Variants in L2HGDH observed in about 807,000 individuals in gnomAD.
The protein encoded by L2HGDH is L-2-hydroxyglutarate dehydrogenase, mitochondrial.
In L2HGDH, 34 loss-of-function variants were observed where a neutral mutation model predicts 51.5. The observed-to-expected ratio is 0.66, with a 90% CI of 0.50 to 0.88. L2HGDH has a LOEUF of 0.88. Among genes scored for constraint, L2HGDH ranks in the 40% least tolerant of loss-of-function variants. The pLI is 0.00. For missense variants in L2HGDH, 558 were observed against 571.9 expected (o/e 0.98, Z 0.25); for synonymous variants, 198 against 197.9 (o/e 1.00, Z -0.01).
At position 50,290,812 on chromosome 14, in the gene L2HGDH, C is replaced by T. The variant is rs376837796; in HGVS notation, c.540+3303G>A. ...CCAAGTGGCTGGGACTACAGGCACACGCCACCACGCCTGGCTGAATTTCAT... is the reference window on the plus strand; with the variant it reads ...CCAAGTGGCTGGGACTACAGGCACATGCCACCACGCCTGGCTGAATTTCAT... On this transcript the variant is annotated intron_variant, in intron 4 of 9. Transcript: ENST00000267436. 7.2e-5 allele frequency among the ~76,000 whole-genome samples: 11 copies of T among 152,110 alleles called. No individual in the cohort carries two copies. The East Asian group carries it at 7.7e-4, about 11-fold the overall frequency.
chr14:50,302,998 C>T lies in L2HGDH; in HGVS notation c.160G>A (p.Val54Ile), dbSNP rs767231867. ...ASTSSFDIVI[V>I]GGGIVGLASA... ...GCAAGCCCCACAATTCCGCCACCAA[C>T]GATGACTATATCAAATGAGCTTCAA... The change falls in exon 2 of 10, where the codon GTT becomes ATT. Residue 54 changes from valine (V) to isoleucine (I), a missense_variant. Around this residue, in one of 3 missense-constraint regions of L2HGDH, gnomAD observed 194 missense variants for 187.2 expected, o/e 1.04. Coordinates refer to ENST00000267436, the MANE Select transcript of L2HGDH (RefSeq NM_024884.3). The T allele has an allele frequency of 1.9e-5, 31 of 1,611,678 alleles. No individual in the cohort carries two copies. The highest frequency in any genetic ancestry group is 1.6e-4 in the Middle Eastern group (1 of 6,084).
intron 9 of L2HGDH, among the ~76,000 whole-genome samples, chr14:50,258,799 C>T (rs774759584): frequency 5.9e-5 from 9 of 151,906 alleles, no homozygotes; most frequent in Non-Finnish European, 1.2e-4. Flanking sequence ...AGGCGTGAGC[C>T]CATGGTGCCT....
chr14:50,293,243 A>G (rs931371953), intron 4 of L2HGDH: 1 of 702,374 alleles, frequency 1.4e-6, no homozygotes, highest in East Asian at 2.7e-5. Context: ...CAGTGGGAAA[A>G]TAATGGTTTT....
At position 50,245,105 on chromosome 14, in the gene L2HGDH, C is replaced by A; in HGVS notation, c.*1953G>T. The A allele has an allele frequency of 2.0e-6, 2 of 985,656 alleles. No individual in the cohort carries two copies. Among genetic ancestry groups the A allele is most frequent in the Non-Finnish European group, 2.4e-6 (2 of 829,890 alleles). The allele number at this position is 985,656 out of a possible 1,614,324, so 61.1% of individuals were successfully genotyped here. A position where few individuals can be genotyped will look rare whatever the true frequency, so the allele number is the denominator to read the frequency against. The stretch of plus-strand genomic sequence containing the variant: ...TCATGAGGTGAATGTAAGGCACTTT[C>A]GCGGTTTACAAAAGTGAATGCCTCA... On this transcript the variant is annotated 3_prime_UTR_variant, in exon 10 of 10. Transcript: ENST00000267436.
chr14:50,288,729 CCT>C (rs1890702596), intron 4 of L2HGDH, among the ~76,000 whole-genome samples: 1 of 152,212 alleles, frequency 6.6e-6, no homozygotes, highest in African/African-American at 2.4e-5. Flanking sequence ...CTGTGCCTGG[CCT>C]CTGTTTTAAC....
At position 50,244,967 on chromosome 14, in the gene L2HGDH, T is replaced by A. The variant is rs1748949947; in HGVS notation, c.*2091A>T. 1.0e-6 allele frequency: 1 copy of A among 985,548 alleles called. No homozygotes were observed. The highest frequency in any genetic ancestry group is 1.2e-6 in the Non-Finnish European group (1 of 829,902). The allele number at this position is 985,548 out of a possible 1,614,324, so 61.1% of individuals were successfully genotyped here. A position where few individuals can be genotyped will look rare whatever the true frequency, so the allele number is the denominator to read the frequency against. On this transcript the variant is annotated 3_prime_UTR_variant, in exon 10 of 10. Transcript: ENST00000267436. ...GTTCTGCAGTCAGGTCGCCACATTT[T>A]CATTTACAATTTCTATTTTCTAACT...
chr14:50,292,577 A>G (rs1176966656), intron 4 of L2HGDH, among the ~76,000 whole-genome samples: 2 of 152,098 alleles, frequency 1.3e-5, no homozygotes, highest in African/African-American at 2.4e-5. Context: ...ATGGTGGCGC[A>G]TGTCTGTAAT....
chr14:50,310,515 T>C (rs2031044396), intron 1 of L2HGDH, among the ~76,000 whole-genome samples: 1 of 151,500 alleles, frequency 6.6e-6, no homozygotes, highest in Non-Finnish European at 1.5e-5. Context: ...GAGACCACCC[T>C]GGGCAACGTC....
At chr14:50,251,405 G>C (rs932263612) in intron 9 of L2HGDH, among the ~76,000 whole-genome samples, 6 of 152,046 alleles carry the variant, frequency 3.9e-5, no homozygotes, top group Non-Finnish European at 7.4e-5. Context: ...AAATCTAAGA[G>C]TTATTGGCCT....
At position 50,247,164 on chromosome 14, in the gene L2HGDH, C is replaced by T. The variant is rs1888053169; in HGVS notation, c.1286G>A (p.Gly429Glu). ...FVFDAGVGDI[G>E]NRILHVRNAP... Reference sequence around the variant, plus strand: ...ATTTCTCACATGAAGAATGCGATTTCCAATATCCCCAACTCCTGCATCAAA... The same window carrying T: ...ATTTCTCACATGAAGAATGCGATTTTCAATATCCCCAACTCCTGCATCAAA... Residue 429 changes from glycine (G) to glutamate (E), a missense_variant, in exon 10 of 10, where the codon GGA becomes GAA. Transcript: ENST00000267436. The T allele has an allele frequency of 1.9e-6, 3 of 1,614,018 alleles. No homozygotes were observed. The African/African-American group carries it at 4.0e-5, about 22-fold the overall frequency.
rs1887860895 is a variant in L2HGDH at position 50,243,027 on chromosome 14, A to G, written c.*4031T>C. 1 of 985,284 alleles carries G rather than the reference A, an allele frequency of 1.0e-6. No homozygotes were observed. Among genetic ancestry groups the G allele is most frequent in the South Asian group, 4.7e-5 (1 of 21,282 alleles). The allele number at this position is 985,284 out of a possible 1,614,324, so 61.0% of individuals were successfully genotyped here. The stretch of plus-strand genomic sequence containing the variant: ...GGCAGTATACCCCATTCTCACCACC[A>G]TCCTTTGAAGAAAGTTCTAAGAGTT... On this transcript the variant is annotated 3_prime_UTR_variant, in exon 10 of 10. Coordinates refer to ENST00000267436, the MANE Select transcript of L2HGDH (RefSeq NM_024884.3).
intron 9 of L2HGDH, among the ~76,000 whole-genome samples, chr14:50,257,368 CTTTAA>C (rs1379532493): frequency 1.0e-4 from 15 of 143,536 alleles, no homozygotes; most frequent in Non-Finnish European, 1.1e-4. Context: ...GAGGTTTTTC[CTTTAA>C]TTTTTTTTTT....
At chr14:50,265,925 C>T (rs1403957369) in intron 8 of L2HGDH, among the ~76,000 whole-genome samples, 1 of 151,764 alleles carries the variant, frequency 6.6e-6, no homozygotes, top group African/African-American at 2.4e-5. Context: ...ATCAACCAAT[C>T]AATCAATGAA....
At chr14:50,253,268 T>C (rs1822554221) in intron 9 of L2HGDH, among the ~76,000 whole-genome samples, 1 of 152,060 alleles carries the variant, frequency 6.6e-6, no homozygotes, top group African/African-American at 2.4e-5. Flanking sequence ...GGAGAAAATA[T>C]ATGCAAACTA....
chr14:50,287,597 T>A (rs2139174098), intron 4 of L2HGDH, among the ~76,000 whole-genome samples: 1 of 151,858 alleles, frequency 6.6e-6, no homozygotes, highest in African/African-American at 2.4e-5. Context: ...TTCTTCAAGG[T>A]AATACTTGAT....
intron 1 of L2HGDH, among the ~76,000 whole-genome samples, chr14:50,306,857 CT>C: frequency 1.3e-5 from 2 of 152,052 alleles, no homozygotes; most frequent in Middle Eastern, 6.8e-3. Flanking sequence ...ACTCTATTGC[CT>C]AGGTTGGAGT....
chr14:50,281,019 G>A, intron 5 of L2HGDH, among the ~76,000 whole-genome samples: 1 of 152,156 alleles, frequency 6.6e-6, no homozygotes. Flanking sequence ...GTCTCGCTAT[G>A]TTGCCCAGGC....
intron 9 of L2HGDH, among the ~76,000 whole-genome samples, chr14:50,248,275 A>C (rs79961648): frequency 0.031 from 4,720 of 152,254 alleles, 238 homozygotes; most frequent in African/African-American, 0.11. Context: ...ATTCTATCTT[A>C]TACACACCAG....
rs748747271 is a variant in L2HGDH, at chr14:50,269,275, C to A, written c.794G>T (p.Arg265Leu). Residue 265 changes from arginine to leucine, a missense_variant, in exon 7 of 10, where the codon CGT becomes CTT. By Grantham distance (102) the Arg-to-Leu change is moderately radical (BLOSUM62 -2). Around this residue, in one of 3 missense-constraint regions of L2HGDH, gnomAD observed 321 missense variants for 311.8 expected, o/e 1.03. Coordinates refer to ENST00000267436, the MANE Select transcript of L2HGDH (RefSeq NM_024884.3). Reference sequence around the variant, plus strand: ...AGTGCAGCCACTCAACTCTGAAATACGGTCTGAGTAAAGTCCTGCACATGT... The same window carrying A: ...AGTGCAGCCACTCAACTCTGAAATAAGGTCTGAGTAAAGTCCTGCACATGT... The part of the protein sequence containing the change: ...VVTCAGLYSD[R>L]ISELSGCTPD... 1.9e-6 allele frequency: 3 copies of A among 1,613,770 alleles called. No individual in the cohort carries two copies.
Sources: gnomAD v4.1 joint callset for allele counts (sites outside exome capture counted in the v4.1 genomes callset) on GRCh38, gnomAD v4.1.1 for gene constraint, gnomAD v4.1.1 regional missense constraint, MANE v1.5 for transcripts, NCBI Gene and HGNC (gene_info 2026-07-23, HGNC 2026-07-21) for gene names.